The following MMP24 variants were observed in gnomAD, a reference collection of about 807,000 sequenced individuals.
The protein encoded by MMP24 is matrix metallopeptidase 24.
MMP24 carries 25 observed loss-of-function variants against 62.8 expected under a neutral mutation model. That is an observed-to-expected ratio of 0.40 (90% CI 0.29 to 0.56). The LOEUF is 0.56. Ranked by LOEUF, MMP24 falls within the 20% of genes least tolerant of loss-of-function variation. The pLI is 0.50. For synonymous variants in MMP24, 319 were observed against 350.5 expected (o/e 0.91, Z 1.00); for missense variants, 634 against 853.6 (o/e 0.74, Z 3.21).
In MMP24 at chr20:35,269,673, G is replaced by A; in HGVS notation, c.1195-87G>A. 6.8e-7 allele frequency: 1 copy of A among 1,474,672 alleles called. No homozygotes were observed. The highest frequency in any genetic ancestry group is 2.5e-5 in the East Asian group (1 of 40,358). 91.3% of individuals were successfully genotyped at this position (1,474,672 alleles called of 1,614,324 possible). On this transcript the variant is annotated intron_variant, in intron 6 of 8. Coordinates refer to ENST00000246186, the MANE Select transcript of MMP24 (RefSeq NM_006690.4). The surrounding 1 kb of genome is among the most constrained non-coding windows in gnomAD (Gnocchi z 4.6). ...GACAGTCTCGGTGGAGGGCTGGGCTGTTGGGACCTAAGCCCCACAGCTGCA... is the reference window on the plus strand; with the variant it reads ...GACAGTCTCGGTGGAGGGCTGGGCTATTGGGACCTAAGCCCCACAGCTGCA...
chr20:35,271,970 C>T lies in MMP24; in HGVS notation c.1600+135C>T, dbSNP rs781180581. 23 of 976,128 alleles carry T rather than the reference C, an allele frequency of 2.4e-5. No individual in the cohort carries two copies. The highest frequency in any genetic ancestry group is 3.2e-5 in the Non-Finnish European group (22 of 680,150). 60.5% of individuals were successfully genotyped at this position (976,128 alleles called of 1,614,324 possible). On this transcript the variant is annotated intron_variant, in intron 8 of 8. Transcript: ENST00000246186. This position sits in a 1 kb window ranked among gnomAD's most constrained non-coding sequence, Gnocchi z 4.0. ...CTGGTGGCAGACAACTGCCTCATAT[C>T]TACCCATGTTCACGTGGTCCATTAA...
chr20:35,266,886 G>C (rs1467086981), intron 5 of MMP24, among the ~76,000 whole-genome samples: 1 of 152,068 alleles, frequency 6.6e-6, no homozygotes, highest in African/African-American at 2.4e-5. Context: ...AGGGGGTGAG[G>C]AAGTGGGGCC....
chr20:35,244,849 A>G (rs1252738823), intron 1 of MMP24, among the ~76,000 whole-genome samples: 1 of 152,164 alleles, frequency 6.6e-6, no homozygotes, highest in Admixed American at 6.6e-5. Context: ...CTCTTTAAAA[A>G]AATCACTCCA....
chr20:35,226,834 T>C lies in MMP24; in HGVS notation c.96T>C (p.Pro32=), dbSNP rs2146193830. ...CGCGCTGGAGCCGCTGGCGGGTCCC[T>C]GGGCGGCTGCTGCTGCTGCTGCTGC... is the stretch of plus-strand genomic sequence containing the variant. ...QAPRWSRWRV[P]GRLLLLLLPA... is the part of the protein sequence containing the mutation. The change falls in exon 1 of 9, where the codon CCT becomes CCC. Residue 32 remains proline (P), a synonymous_variant. Coordinates refer to ENST00000246186, the MANE Select transcript of MMP24 (RefSeq NM_006690.4). 1.0e-6 allele frequency: 1 copy of C among 958,452 alleles called. No individual in the cohort carries two copies. Among genetic ancestry groups the C allele is most frequent in the Non-Finnish European group, 1.2e-6 (1 of 822,606 alleles). The allele number at this position is 958,452 out of a possible 1,614,324, so 59.4% of individuals were successfully genotyped here.
At chr20:35,257,597 G>T (rs1447903190) in intron 4 of MMP24, among the ~76,000 whole-genome samples, 2 of 152,150 alleles carry the variant, frequency 1.3e-5, no homozygotes, top group African/African-American at 2.4e-5. Context: ...CAGCACTGGG[G>T]GTGTGCACTT....
rs148509125 is a variant in MMP24, at chr20:35,229,139, C to T, written c.246+2155C>T. On this transcript the variant is annotated intron_variant, in intron 1 of 8. Coordinates refer to ENST00000246186, the MANE Select transcript of MMP24 (RefSeq NM_006690.4). ...ATTACCTTACATTTCTCCACCTTGA[C>T]GTTTGTCTGCCATCTTGCATTGCAC... is the stretch of plus-strand genomic sequence containing the variant. Among the ~76,000 whole-genome samples, 386 of 152,314 alleles carry T rather than the reference C, an allele frequency of 2.5e-3. 1 individual carries two copies. Among genetic ancestry groups the T allele is most frequent in the African/African-American group, 8.8e-3 (364 of 41,576 alleles).
intron 5 of MMP24, among the ~76,000 whole-genome samples, chr20:35,266,351 CAAA>C (rs3055615): frequency 1.7e-3 from 94 of 56,598 alleles, no homozygotes; most frequent in African/African-American, 4.9e-3. Flanking sequence ...GACTCCTTCT[CAAA>C]AAAAAAAAAA....
At chr20:35,268,995 C>G (rs1035591627) in intron 6 of MMP24, among the ~76,000 whole-genome samples, 3 of 146,904 alleles carry the variant, frequency 2.0e-5, no homozygotes, top group African/African-American at 7.6e-5. Flanking sequence ...CCACTGCACT[C>G]CAGCCTGGGT....
intron 1 of MMP24, among the ~76,000 whole-genome samples, chr20:35,239,984 A>G (rs938175866): frequency 2.0e-5 from 3 of 152,214 alleles, no homozygotes; most frequent in African/African-American, 7.2e-5. Context: ...ATTGCACTCC[A>G]GGAGTGTGAG....
chr20:35,247,019 AAC>A (rs1431432478), intron 2 of MMP24, 31 bp downstream of exon 2: 1 of 1,612,404 alleles, frequency 6.2e-7, no homozygotes, highest in East Asian at 2.2e-5. Flanking sequence ...TGTGCCTTTG[AAC>A]TTTCTGGACT....
At chr20:35,249,516 T>C (rs143820555) in intron 2 of MMP24, among the ~76,000 whole-genome samples, 2 of 152,364 alleles carry the variant, frequency 1.3e-5, no homozygotes, top group African/African-American at 4.8e-5. Flanking sequence ...CCTGCCTTGC[T>C]GATTTCTGTG....
chr20:35,264,141 C>T, intron 5 of MMP24, 189 bp downstream of exon 5: 1 of 570,328 alleles, frequency 1.8e-6, no homozygotes, highest in Non-Finnish European at 2.8e-6. Context: ...CCCTGGCACA[C>T]CTGGGAAACC....
At chr20:35,246,352 C>G (rs1219848826) in intron 1 of MMP24, among the ~76,000 whole-genome samples, 1 of 151,702 alleles carries the variant, frequency 6.6e-6, no homozygotes, top group East Asian at 1.9e-4. Flanking sequence ...TGGCGTGTGC[C>G]TGTAATCCCA....
Position 35,271,507 on chromosome 20 carries a change from G to A in MMP24, c.1334-62G>A. 3.2e-6 allele frequency: 5 copies of A among 1,566,808 alleles called. No individual in the cohort carries two copies. Among genetic ancestry groups the A allele is most frequent in the African/African-American group, 1.3e-5 (1 of 74,074 alleles). On this transcript the variant is annotated intron_variant, in intron 7 of 8. Coordinates refer to ENST00000246186, the MANE Select transcript of MMP24 (RefSeq NM_006690.4). The surrounding 1 kb of genome is among the most constrained non-coding windows in gnomAD (Gnocchi z 4.0). ...TCAGACTGTTTTCACCTGACACCCT[G>A]AAGATGGGCAAACGGCACTGAGTGA...
At chr20:35,253,265 C>T (rs1420156425) in intron 3 of MMP24, among the ~76,000 whole-genome samples, 4 of 84,864 alleles carry the variant, frequency 4.7e-5, no homozygotes, top group South Asian at 3.5e-4. Context: ...CCCTACAGAA[C>T]GGGACTTTTT....
intron 4 of MMP24, among the ~76,000 whole-genome samples, chr20:35,261,888 C>T (rs571684785): frequency 1.1e-4 from 17 of 151,468 alleles, no homozygotes; most frequent in Admixed American, 1.1e-3. Context: ...GCAACCTCCA[C>T]CTCCCAGGAT....
intron 1 of MMP24, among the ~76,000 whole-genome samples, chr20:35,240,442 T>G (rs1373774334): frequency 6.6e-6 from 1 of 152,148 alleles, no homozygotes; most frequent in Admixed American, 6.5e-5. Flanking sequence ...GACAGACATC[T>G]TAAGAGTTGG....
In MMP24 at chr20:35,276,449, C is replaced by T; in HGVS notation, c.*1840C>T. 5.0e-6 allele frequency: 2 copies of T among 397,428 alleles called. No individual in the cohort carries two copies. Among genetic ancestry groups the T allele is most frequent in the Non-Finnish European group, 8.9e-6 (2 of 225,528 alleles). 24.6% of individuals were successfully genotyped at this position (397,428 alleles called of 1,614,324 possible). The stretch of plus-strand genomic sequence containing the variant: ...GGCCGACGGTAACTCTCACCGTGCC[C>T]TCAGATGAAGCACAGAGAGGTTGTT... On this transcript the variant is annotated 3_prime_UTR_variant, in exon 9 of 9. Coordinates refer to ENST00000246186, the MANE Select transcript of MMP24 (RefSeq NM_006690.4).
chr20:35,234,482 A>G (rs1348466623), intron 1 of MMP24, among the ~76,000 whole-genome samples: 1 of 152,224 alleles, frequency 6.6e-6, no homozygotes, highest in Non-Finnish European at 1.5e-5. Context: ...GATACATATA[A>G]TGCCATTGGG....
Sources: allele counts gnomAD v4.1 joint callset (sites outside exome capture counted in the v4.1 genomes callset), GRCh38; gene constraint gnomAD v4.1.1; non-coding constraint Gnocchi (gnomAD v3.1); transcripts MANE v1.5; gene names NCBI Gene and HGNC (gene_info 2026-07-23, HGNC 2026-07-21).